The following NKAIN3 variants were observed in gnomAD, a reference collection of about 807,000 sequenced individuals.
The protein encoded by NKAIN3 is sodium/potassium transporting ATPase interacting 3, also known as sodium/potassium-transporting ATPase subunit beta-1-interacting protein 3.
NKAIN3 carries 25 observed loss-of-function variants against 30.2 expected under a neutral mutation model. That is an observed-to-expected ratio of 0.83 (90% CI 0.60 to 1.16). NKAIN3 has a LOEUF of 1.16. Among genes scored for constraint, NKAIN3 ranks in the 50% most tolerant of loss-of-function variants. The pLI is 0.00. For synonymous variants in NKAIN3, 91 were observed against 89.6 expected, an observed-to-expected ratio of 1.02 and a Z score of -0.09; for missense variants, 225 against 254.1, an observed-to-expected ratio of 0.89 and a Z score of 0.78.
chr8:62,463,034 C>A (rs931479277), intron 1 of NKAIN3, among the ~76,000 whole-genome samples: 2 of 152,194 alleles, frequency 1.3e-5, no homozygotes, highest in Admixed American at 1.3e-4. Context: ...TTTGTAGGTT[C>A]AAATGTTATA....
rs535820285 is a variant in NKAIN3 at position 62,837,316 on chromosome 8, G to A, written c.472-81137G>A. On this transcript the variant is annotated intron_variant, in intron 4 of 6. Transcript: ENST00000623646. ...TTCATGATTCTTTTAAATCAGTGAT[G>A]AATGATTTAATAATGATCACAACTG... Among the ~76,000 whole-genome samples, 79 of 152,200 alleles carry A rather than the reference G, an allele frequency of 5.2e-4. No homozygotes were observed. In the South Asian group the frequency reaches 0.015, roughly 30 times the overall value.
chr8:62,278,684 C>T (rs569214318), intron 1 of NKAIN3, among the ~76,000 whole-genome samples: 111 of 152,220 alleles, frequency 7.3e-4, no homozygotes, highest in Non-Finnish European at 1.5e-3. Context: ...CAGCTTCATC[C>T]ATGTCCCTAT....
At position 62,457,180 on chromosome 8, in the gene NKAIN3, C is replaced by A. The variant is rs140144674; in HGVS notation, c.55-122359C>A. Among the ~76,000 whole-genome samples the A allele has an allele frequency of 1.2e-3, 180 of 152,262 alleles. 2 individuals are homozygous for A. In the East Asian group the frequency reaches 0.023, roughly 19 times the overall value. ...ATCGGGGATGTTTCTGGAGAAAGGA[C>A]TGCCTTAGGTGGGGGATATAAACGT... On this transcript the variant is annotated intron_variant, in intron 1 of 6. Coordinates refer to ENST00000623646, the MANE Select transcript of NKAIN3 (RefSeq NM_001304533.3).
chr8:62,420,470 G>A (rs906269803), intron 1 of NKAIN3, among the ~76,000 whole-genome samples: 1 of 152,092 alleles, frequency 6.6e-6, no homozygotes, highest in African/African-American at 2.4e-5. Context: ...GAGTCCTAGG[G>A]TTCACCAAGA....
At chr8:62,683,276 C>T (rs1326837336) in intron 3 of NKAIN3, among the ~76,000 whole-genome samples, 2 of 152,068 alleles carry the variant, frequency 1.3e-5, no homozygotes, top group African/African-American at 2.4e-5. Context: ...CCTCGTGATC[C>T]GCCCACCTCG....
intron 1 of NKAIN3, among the ~76,000 whole-genome samples, chr8:62,568,281 GAGTTTAATT>G (rs1287733870): frequency 2.0e-5 from 3 of 152,128 alleles, no homozygotes; most frequent in East Asian, 3.9e-4. Flanking sequence ...TCCCAGCTCT[GAGTTTAATT>G]AGTTGATCAT....
intron 3 of NKAIN3, among the ~76,000 whole-genome samples, chr8:62,676,799 C>T (rs1183941858): frequency 6.6e-6 from 1 of 151,456 alleles, no homozygotes; most frequent in Non-Finnish European, 1.5e-5. Flanking sequence ...CTGTAGCCTC[C>T]GATTTCCAGG....
At chr8:62,640,276 G>T (rs1179041142) in intron 3 of NKAIN3, among the ~76,000 whole-genome samples, 3 of 152,058 alleles carry the variant, frequency 2.0e-5, no homozygotes, top group African/African-American at 7.2e-5. Context: ...CACGGGGGCG[G>T]TTTCCCCCAT....
At position 62,890,050 on chromosome 8, in the gene NKAIN3, G is replaced by A. The variant is rs1381026530; in HGVS notation, c.472-28403G>A. Among the ~76,000 whole-genome samples, 3 of 152,118 alleles carry A rather than the reference G, an allele frequency of 2.0e-5. No individual in the cohort carries two copies. The East Asian group carries it at 5.8e-4, about 29-fold the overall frequency. ...TAGAGTGTGGTGTGTAGAAAAGGCT[G>A]TAAAAATAATTTATCTTGAACATGT... On this transcript the variant is annotated intron_variant, in intron 4 of 6. Coordinates refer to ENST00000623646, the MANE Select transcript of NKAIN3 (RefSeq NM_001304533.3).
chr8:62,966,015 C>T lies in NKAIN3; in HGVS notation c.*608C>T, dbSNP rs546390139. Reference sequence around the variant, plus strand: ...TTATGGCAATCTAAATTTTCAGATTCGTGCATATCTTGTTTTTCCTGATAT... The same window carrying T: ...TTATGGCAATCTAAATTTTCAGATTTGTGCATATCTTGTTTTTCCTGATAT... On this transcript the variant is annotated 3_prime_UTR_variant, in exon 7 of 7. Transcript: ENST00000623646. 1.7e-5 allele frequency: 17 copies of T among 984,486 alleles called. No homozygotes were observed. In the South Asian group the frequency reaches 2.4e-4, roughly 14 times the overall value. The allele number at this position is 984,486 out of a possible 1,614,324, so 61.0% of individuals were successfully genotyped here.
At chr8:62,390,757 A>T (rs1817564399) in intron 1 of NKAIN3, among the ~76,000 whole-genome samples, 1 of 152,006 alleles carries the variant, frequency 6.6e-6, no homozygotes, top group African/African-American at 2.4e-5. Context: ...ATGGTATCTC[A>T]TTGTGGTTTG....
intron 3 of NKAIN3, among the ~76,000 whole-genome samples, chr8:62,636,639 T>A (rs1812139631): frequency 6.6e-6 from 1 of 152,238 alleles, no homozygotes; most frequent in Non-Finnish European, 1.5e-5. Context: ...TGTAAGTACC[T>A]CTAGGGGAGC....
At chr8:62,882,972 T>C (rs1563610941) in intron 4 of NKAIN3, among the ~76,000 whole-genome samples, 2 of 152,206 alleles carry the variant, frequency 1.3e-5, no homozygotes, top group African/African-American at 4.8e-5. Flanking sequence ...TAAAGCTTTA[T>C]ACTAAGTCTT....
At chr8:62,306,536 TTG>T (rs10552182) in intron 1 of NKAIN3, among the ~76,000 whole-genome samples, 39,085 of 135,708 alleles carry the variant, frequency 0.29, 6,050 homozygotes, top group East Asian at 0.36. Flanking sequence ...TTTGAAGGCT[TTG>T]TGTGTGTGTG....
intron 1 of NKAIN3, among the ~76,000 whole-genome samples, chr8:62,252,970 A>T (rs1416428666): frequency 6.6e-6 from 1 of 152,172 alleles, no homozygotes; most frequent in Non-Finnish European, 1.5e-5. Context: ...TCAGTGAAGC[A>T]CTGAACTAAT....
intron 1 of NKAIN3, among the ~76,000 whole-genome samples, chr8:62,309,963 A>G (rs1250061404): frequency 6.6e-6 from 1 of 150,396 alleles, no homozygotes; most frequent in African/African-American, 2.5e-5. Flanking sequence ...CCTCAACTAT[A>G]AATTAATTGC....
At position 62,848,814 on chromosome 8, in the gene NKAIN3, C is replaced by G. The variant is rs551314768; in HGVS notation, c.472-69639C>G. Among the ~76,000 whole-genome samples, 55 of 152,026 alleles carry G rather than the reference C, an allele frequency of 3.6e-4. No homozygotes were observed. The East Asian group carries it at 9.5e-3, about 26-fold the overall frequency. On this transcript the variant is annotated intron_variant, in intron 4 of 6. Transcript: ENST00000623646. ...GACTGTGGGTTTGTCATGTGTGGCTCTTATTATTTTGAGGTATGTACCTTC... is the reference window on the plus strand; with the variant it reads ...GACTGTGGGTTTGTCATGTGTGGCTGTTATTATTTTGAGGTATGTACCTTC...
intron 4 of NKAIN3, among the ~76,000 whole-genome samples, chr8:62,807,398 T>C (rs1013773470): frequency 3.3e-5 from 5 of 152,142 alleles, no homozygotes; most frequent in Admixed American, 6.6e-5. Context: ...TTTTAAATTT[T>C]TGTGTGTCTA....
rs547301115 is a variant in NKAIN3 at position 62,397,404 on chromosome 8, A to T, written c.54+148277A>T. Among the ~76,000 whole-genome samples the T allele has an allele frequency of 1.9e-3, 289 of 152,068 alleles. 3 individuals carry two copies. The highest frequency in any genetic ancestry group is 6.8e-3 in the African/African-American group (281 of 41,488). On this transcript the variant is annotated intron_variant, in intron 1 of 6. Transcript: ENST00000623646. Reference sequence around the variant, plus strand: ...AAGTATGTACTTTGTTTTCCTCAGGAGCACAAACCACTCTACAGACAATAA... The same window carrying T: ...AAGTATGTACTTTGTTTTCCTCAGGTGCACAAACCACTCTACAGACAATAA...
Sources: allele counts gnomAD v4.1 joint callset (sites outside exome capture counted in the v4.1 genomes callset), GRCh38; gene constraint gnomAD v4.1.1; transcripts MANE v1.5; gene names NCBI Gene and HGNC (gene_info 2026-07-23, HGNC 2026-07-21).